PITPNC1: variants seen among roughly 807,000 people sequenced by gnomAD.
The protein encoded by PITPNC1 is cytoplasmic phosphatidylinositol transfer protein 1.
Under a neutral mutation model 44.7 loss-of-function variants are expected in PITPNC1, and 18 were observed. The ratio of observed to expected loss-of-function variants is 0.40; its 90% confidence interval spans 0.28 to 0.60. The LOEUF (loss-of-function observed/expected upper bound fraction) is 0.60, where lower values mean the gene tolerates loss of function less well. Among genes scored for constraint, PITPNC1 ranks in the 20% least tolerant of loss-of-function variants. The probability of loss-of-function intolerance (pLI) is 0.39; values close to 1 mark genes in which losing one functional copy is unlikely to be tolerated. For missense variants in PITPNC1, 290 were observed against 418.4 expected (o/e 0.69, Z 2.68); for synonymous variants, 141 against 149.6 (o/e 0.94, Z 0.42).
intron 5 of PITPNC1, 65 bp from the exon 6 acceptor site, chr17:67,632,078 C>T (rs1379728577): frequency 2.1e-6 from 2 of 970,490 alleles, no homozygotes; most frequent in East Asian, 4.8e-5. Flanking sequence ...GTTATTCTGC[C>T]TCGGGCACTT....
chr17:67,691,084 C>G (rs1017149217), intron 8 of PITPNC1, among the ~76,000 whole-genome samples: 6 of 147,346 alleles, frequency 4.1e-5, no homozygotes, highest in Non-Finnish European at 7.4e-5. Flanking sequence ...GCCTGTGCAA[C>G]AGAGCAAGAC....
At chr17:67,384,891 T>C (rs1258666844) in intron 1 of PITPNC1, among the ~76,000 whole-genome samples, 3 of 152,270 alleles carry the variant, frequency 2.0e-5, no homozygotes, top group Non-Finnish European at 4.4e-5. Context: ...AGGTTTCTTG[T>C]AAATGTAATT....
At chr17:67,646,737 C>T (rs1234813657) in intron 6 of PITPNC1, among the ~76,000 whole-genome samples, 1 of 152,068 alleles carries the variant, frequency 6.6e-6, no homozygotes, top group Non-Finnish European at 1.5e-5. Flanking sequence ...GCAGTGTTGC[C>T]TAGGCTGGTC....
chr17:67,412,484 A>C (rs1386422623), intron 1 of PITPNC1, among the ~76,000 whole-genome samples: 4 of 152,126 alleles, frequency 2.6e-5, no homozygotes, highest in African/African-American at 9.7e-5. Flanking sequence ...CCTTACCTTA[A>C]ATAAGCCCTG....
At chr17:67,504,433 T>G (rs2040074597) in intron 1 of PITPNC1, among the ~76,000 whole-genome samples, 1 of 152,228 alleles carries the variant, frequency 6.6e-6, no homozygotes, top group Non-Finnish European at 1.5e-5. Flanking sequence ...TGCTTTGCTA[T>G]TCCAGGAACT....
intron 5 of PITPNC1, among the ~76,000 whole-genome samples, chr17:67,622,616 G>A (rs1262887296): frequency 6.6e-6 from 1 of 151,278 alleles, no homozygotes; most frequent in East Asian, 1.9e-4. Context: ...AACTGGCCAG[G>A]TGTGGTTAAT....
intron 4 of PITPNC1, among the ~76,000 whole-genome samples, chr17:67,555,921 C>T (rs945107487): frequency 1.4e-4 from 21 of 152,246 alleles, no homozygotes; most frequent in African/African-American, 5.1e-4. Flanking sequence ...TGCTAGATGG[C>T]ATAACTGAGC....
chr17:67,472,944 C>T lies in PITPNC1; in HGVS notation c.49-59858C>T, dbSNP rs1008765595. On this transcript the variant is annotated intron_variant, in intron 1 of 8. Coordinates refer to ENST00000581322, the MANE Select transcript of PITPNC1 (RefSeq NM_012417.4). ...AGGCTGGAGTGCAGTGGCCTGATCT[C>T]GGCTCACTGCAAGCTCTGCCTCTCA... Among the ~76,000 whole-genome samples the T allele has an allele frequency of 4.0e-5, 6 of 151,494 alleles. No homozygotes were observed. The South Asian group carries it at 8.3e-4, about 21-fold the overall frequency.
chr17:67,501,640 T>G lies in PITPNC1; in HGVS notation c.49-31162T>G, dbSNP rs150711846. ...TGAGGTCAGGAGTTCAAGACCAGCCTGGCCAACATGGTGAAATCCTGTCTC... is the reference window on the plus strand; with the variant it reads ...TGAGGTCAGGAGTTCAAGACCAGCCGGGCCAACATGGTGAAATCCTGTCTC... On this transcript the variant is annotated intron_variant, in intron 1 of 8. Coordinates refer to ENST00000581322, the MANE Select transcript of PITPNC1 (RefSeq NM_012417.4). 4.3e-3 allele frequency among the ~76,000 whole-genome samples: 654 copies of G among 152,260 alleles called. 5 individuals carry two copies. Among genetic ancestry groups the G allele is most frequent in the African/African-American group, 0.015 (616 of 41,534 alleles).
intron 4 of PITPNC1, among the ~76,000 whole-genome samples, chr17:67,575,034 G>A (rs2041119955): frequency 6.6e-6 from 1 of 151,790 alleles, no homozygotes; most frequent in South Asian, 2.1e-4. Context: ...CATGTGTTGG[G>A]CTAGCTAAGT....
At chr17:67,579,520 A>G (rs2041197408) in intron 5 of PITPNC1, among the ~76,000 whole-genome samples, 1 of 152,088 alleles carries the variant, frequency 6.6e-6, no homozygotes, top group Admixed American at 6.6e-5. Context: ...TCACAGCCTG[A>G]AATCACAGGC....
chr17:67,452,513 G>C lies in PITPNC1; in HGVS notation c.48+74311G>C, dbSNP rs542069160. On this transcript the variant is annotated intron_variant, in intron 1 of 8. Transcript: ENST00000581322. ...AGATACTTTAAGGAGTGGAATTGCT[G>C]GGGTTTTTTTTTTTTTTTGAGATGG... 1.1e-3 allele frequency among the ~76,000 whole-genome samples: 149 copies of C among 135,702 alleles called. 1 individual carries two copies. The South Asian group carries it at 0.032, about 29-fold the overall frequency. The allele number at this position is 135,702 out of a possible 152,430, so 89.0% of individuals were successfully genotyped here.
intron 1 of PITPNC1, among the ~76,000 whole-genome samples, chr17:67,464,346 T>C (rs2039391838): frequency 6.6e-6 from 1 of 152,200 alleles, no homozygotes; most frequent in Non-Finnish European, 1.5e-5. Context: ...ACATAATAGT[T>C]ATTCATAAAG....
At chr17:67,440,700 T>C (rs983178773) in intron 1 of PITPNC1, among the ~76,000 whole-genome samples, 1 of 148,252 alleles carries the variant, frequency 6.7e-6, no homozygotes, top group African/African-American at 2.5e-5. Flanking sequence ...GCCTGGCTGA[T>C]TTTTTTTTTG....
intron 8 of PITPNC1, among the ~76,000 whole-genome samples, chr17:67,689,961 A>C (rs2144474936): frequency 6.6e-6 from 1 of 152,304 alleles, no homozygotes; most frequent in Middle Eastern, 3.4e-3. Flanking sequence ...CCATGTTTTT[A>C]AAAATTGGTA....
chr17:67,582,558 AT>A (rs1055630285), intron 5 of PITPNC1, among the ~76,000 whole-genome samples: 1 of 150,626 alleles, frequency 6.6e-6, no homozygotes, highest in Non-Finnish European at 1.5e-5. Context: ...CATATAAGTA[AT>A]TTTTTGACGT....
At chr17:67,640,948 C>T (rs2072656777) in intron 6 of PITPNC1, among the ~76,000 whole-genome samples, 1 of 152,052 alleles carries the variant, frequency 6.6e-6, no homozygotes, top group Non-Finnish European at 1.5e-5. Flanking sequence ...TGAGATCACA[C>T]CATTGCAGTC....
chr17:67,567,120 A>G (rs1378846816), intron 4 of PITPNC1, among the ~76,000 whole-genome samples: 1 of 152,140 alleles, frequency 6.6e-6, no homozygotes, highest in Non-Finnish European at 1.5e-5. Context: ...TCTGTCCCTC[A>G]CTGGACATGT....
At chr17:67,449,693 G>C (rs1299400085) in intron 1 of PITPNC1, among the ~76,000 whole-genome samples, 1 of 152,164 alleles carries the variant, frequency 6.6e-6, no homozygotes, top group Admixed American at 6.5e-5. Flanking sequence ...TTTTGGGGTG[G>C]AGAAAAAGGA....
Sources: allele counts gnomAD v4.1 joint callset (sites outside exome capture counted in the v4.1 genomes callset), GRCh38; gene constraint gnomAD v4.1.1; transcripts MANE v1.5; gene names NCBI Gene and HGNC (gene_info 2026-07-23, HGNC 2026-07-21).